Variants in CTNNA3 observed in about 807,000 individuals in gnomAD.
CTNNA3 encodes the protein catenin alpha 3.
CTNNA3 carries 76 observed loss-of-function variants against 95.7 expected under a neutral mutation model. That is an observed-to-expected ratio of 0.79 (90% CI 0.66 to 0.96). The LOEUF (loss-of-function observed/expected upper bound fraction) is 0.96. Among genes scored for constraint, CTNNA3 ranks in the 40% least tolerant of loss-of-function variants. The pLI is 0.00. For synonymous variants in CTNNA3, 431 were observed against 374.4 expected, an observed-to-expected ratio of 1.15 and a Z score of -1.74; for missense variants, 1,191 against 1,089.8, an observed-to-expected ratio of 1.09 and a Z score of -1.31.
At chr10:66,744,671 C>T (rs1849443076) in intron 9 of CTNNA3, among the ~76,000 whole-genome samples, 1 of 152,092 alleles carries the variant, frequency 6.6e-6, no homozygotes, top group Admixed American at 6.5e-5. Flanking sequence ...ATATAATTGG[C>T]TAATTTGCTT....
At chr10:66,838,641 AG>A (rs961075842) in intron 7 of CTNNA3, among the ~76,000 whole-genome samples, 1 of 152,112 alleles carries the variant, frequency 6.6e-6, no homozygotes, top group African/African-American at 2.4e-5. Context: ...ACCTGCCCCC[AG>A]GACTAGCCTT....
chr10:66,163,659 C>T (rs939743401), intron 13 of CTNNA3, among the ~76,000 whole-genome samples: 2 of 152,100 alleles, frequency 1.3e-5, no homozygotes, highest in Non-Finnish European at 1.5e-5. Flanking sequence ...TCACTTCTTA[C>T]TTCTGGGTTT....
chr10:67,136,604 C>T (rs1304683863), intron 7 of CTNNA3, among the ~76,000 whole-genome samples: 1 of 152,046 alleles, frequency 6.6e-6, no homozygotes, highest in Non-Finnish European at 1.5e-5. Flanking sequence ...TTTTCTATCT[C>T]CCACCAGCTT....
chr10:66,905,187 C>T (rs527591879), intron 7 of CTNNA3, among the ~76,000 whole-genome samples: 22 of 152,122 alleles, frequency 1.4e-4, no homozygotes, highest in East Asian at 1.2e-3. Context: ...AATACTATGA[C>T]GCCATAAGAA....
chr10:67,375,952 G>A (rs1415305564), intron 5 of CTNNA3, among the ~76,000 whole-genome samples: 2 of 152,136 alleles, frequency 1.3e-5, no homozygotes, highest in East Asian at 1.9e-4. Flanking sequence ...AATAGGATCA[G>A]TGCTCTTATA....
chr10:66,595,910 C>T (rs543235279), intron 10 of CTNNA3, among the ~76,000 whole-genome samples: 3 of 152,148 alleles, frequency 2.0e-5, no homozygotes, highest in South Asian at 2.1e-4. Context: ...TCATCCTCGA[C>T]TTCCCAAAGT....
chr10:66,791,179 G>A (rs1172899185), intron 7 of CTNNA3, among the ~76,000 whole-genome samples: 1 of 152,138 alleles, frequency 6.6e-6, no homozygotes, highest in Non-Finnish European at 1.5e-5. Flanking sequence ...ATGCTCCTCT[G>A]TTTAAAACTC....
chr10:66,310,874 G>A (rs1052218697), intron 12 of CTNNA3, among the ~76,000 whole-genome samples: 19 of 151,770 alleles, frequency 1.3e-4, no homozygotes, highest in African/African-American at 4.4e-4. Context: ...TAGTAGAGAC[G>A]GGGTTTCACC....
chr10:66,548,517 G>A (rs775009072), intron 10 of CTNNA3, among the ~76,000 whole-genome samples: 2 of 151,898 alleles, frequency 1.3e-5, no homozygotes, highest in Non-Finnish European at 2.9e-5. Flanking sequence ...CAATTCCAAA[G>A]GAAAGCTTTC....
intron 17 of CTNNA3, among the ~76,000 whole-genome samples, chr10:65,938,117 G>A (rs1941987): frequency 0.13 from 19,576 of 152,174 alleles, 1,566 homozygotes; most frequent in Middle Eastern, 0.21. Flanking sequence ...ATCTCAATGA[G>A]TATGTTGAAG....
chr10:66,749,239 G>GA (rs1839029604), intron 9 of CTNNA3, among the ~76,000 whole-genome samples: 2 of 107,530 alleles, frequency 1.9e-5, no homozygotes, highest in African/African-American at 8.7e-5. Context: ...GAAAAGGAAA[G>GA]AAAGAAAGAA....
In CTNNA3 at chr10:66,064,277, C is replaced by G. The variant is rs747970927; in HGVS notation, c.2159+5031G>C. ...GACGCCATGATTCAATTGCCTTCAC[C>G]TGGTCTCTCCCTTGACATGTGGGAA... On this transcript the variant is annotated intron_variant, in intron 15 of 17. Coordinates refer to ENST00000433211, the MANE Select transcript of CTNNA3 (RefSeq NM_013266.4). 4.8e-4 allele frequency among the ~76,000 whole-genome samples: 73 copies of G among 152,140 alleles called. 1 individual carries two copies. Among genetic ancestry groups the G allele is most frequent in the South Asian group, 2.1e-4 (1 of 4,822 alleles).
rs192434517 is a variant in CTNNA3 at position 66,974,416 on chromosome 10, A to G, written c.1048-198892T>C. Among the ~76,000 whole-genome samples, 861 of 152,272 alleles carry G rather than the reference A, an allele frequency of 5.7e-3. 9 individuals carry two copies. Among genetic ancestry groups the G allele is most frequent in the Non-Finnish European group, 0.01 (693 of 68,030 alleles). On this transcript the variant is annotated intron_variant, in intron 7 of 17. Coordinates refer to ENST00000433211, the MANE Select transcript of CTNNA3 (RefSeq NM_013266.4). ...CATTCACCTGTTGGTGTTGATGGAC[A>G]TTTAGGTTGCCTCCAGTTTTTGACT... is the stretch of plus-strand genomic sequence containing the variant.
At chr10:66,709,467 A>G (rs1304712604) in intron 9 of CTNNA3, among the ~76,000 whole-genome samples, 1 of 152,102 alleles carries the variant, frequency 6.6e-6, no homozygotes, top group Non-Finnish European at 1.5e-5. Flanking sequence ...GGAAAGCCCC[A>G]TAAATTAGAG....
At chr10:67,655,780 C>T (rs1383293954) in intron 1 of CTNNA3, among the ~76,000 whole-genome samples, 1 of 108,202 alleles carries the variant, frequency 9.2e-6, no homozygotes, top group Non-Finnish European at 1.7e-5. Flanking sequence ...GAGACTCCGT[C>T]TCAAAAAAAA....
chr10:67,109,908 C>T (rs1858828859), intron 7 of CTNNA3, among the ~76,000 whole-genome samples: 1 of 152,102 alleles, frequency 6.6e-6, no homozygotes, highest in African/African-American at 2.4e-5. Context: ...TCCGTATTAA[C>T]TCGAAGAAAG....
At chr10:66,366,758 C>A (rs900054693) in intron 12 of CTNNA3, among the ~76,000 whole-genome samples, 37 of 152,062 alleles carry the variant, frequency 2.4e-4, no homozygotes, top group African/African-American at 8.5e-4. Flanking sequence ...GCTTACTGAG[C>A]ACCTTTTAAA....
intron 5 of CTNNA3, among the ~76,000 whole-genome samples, chr10:67,360,197 T>C (rs1183860535): frequency 6.6e-6 from 1 of 152,064 alleles, no homozygotes; most frequent in Non-Finnish European, 1.5e-5. Context: ...AATGAGATCT[T>C]TAAGGGAGCC....
chr10:66,492,747 G>C (rs985180995), intron 11 of CTNNA3, among the ~76,000 whole-genome samples: 1 of 152,126 alleles, frequency 6.6e-6, no homozygotes, highest in Non-Finnish European at 1.5e-5. Context: ...GTCTAGCCTA[G>C]AGGCTTGAAG....
Sources: allele counts gnomAD v4.1 joint callset (sites outside exome capture counted in the v4.1 genomes callset), GRCh38; gene constraint gnomAD v4.1.1; transcripts MANE v1.5; gene names NCBI Gene and HGNC (gene_info 2026-07-23, HGNC 2026-07-21).